Variants in GUCY1A2 observed in about 807,000 individuals in gnomAD.
GUCY1A2 encodes guanylate cyclase 1 soluble subunit alpha 2.
A neutral mutation model predicts 63.5 loss-of-function variants in GUCY1A2; 27 were observed. That is an observed-to-expected ratio of 0.43 (90% CI 0.31 to 0.59). The LOEUF (loss-of-function observed/expected upper bound fraction) is 0.59. Ranked by LOEUF, GUCY1A2 falls within the 20% of genes least tolerant of loss-of-function variation. GUCY1A2 has a pLI of 0.11. For synonymous variants in GUCY1A2, 364 were observed against 343.5 expected (o/e 1.06, Z -0.66); for missense variants, 768 against 913.3 (o/e 0.84, Z 2.05).
intron 5 of GUCY1A2, among the ~76,000 whole-genome samples, chr11:106,777,766 C>T (rs1322027633): frequency 2.6e-5 from 4 of 151,858 alleles, no homozygotes; most frequent in South Asian, 4.1e-4. Flanking sequence ...CACCATGGTA[C>T]GTGTATACCT....
intron 5 of GUCY1A2, among the ~76,000 whole-genome samples, chr11:106,778,759 T>C (rs1463213477): frequency 2.6e-5 from 4 of 152,204 alleles, no homozygotes; most frequent in Non-Finnish European, 4.4e-5. Context: ...ATATCTCATA[T>C]TTATTGAATA....
chr11:106,713,496 CTTTTTTTTTTTTTTTTTT>C (rs143909145), intron 6 of GUCY1A2, among the ~76,000 whole-genome samples: 2 of 78,354 alleles, frequency 2.6e-5, no homozygotes, highest in Non-Finnish European at 4.5e-5. Flanking sequence ...TAGTATGTTT[CTTTTTTTTTTTTTTTTTT>C]TTTTTTTTTT....
intron 4 of GUCY1A2, among the ~76,000 whole-genome samples, chr11:106,872,537 G>T (rs1859694079): frequency 6.6e-6 from 1 of 152,122 alleles, no homozygotes; most frequent in Non-Finnish European, 1.5e-5. Context: ...ATATCTGAGG[G>T]ATAGTCATAT....
At chr11:106,862,513 T>G (rs1859527748) in intron 4 of GUCY1A2, among the ~76,000 whole-genome samples, 1 of 151,888 alleles carries the variant, frequency 6.6e-6, no homozygotes. Context: ...AAAACCAGCC[T>G]TTTCTATTGT....
At chr11:106,746,581 A>C in intron 6 of GUCY1A2, 1 of 1,596,522 alleles carries the variant, frequency 6.3e-7, no homozygotes, top group Non-Finnish European at 8.5e-7. Flanking sequence ...TTTCACTTTG[A>C]TGCTGATCTG....
chr11:107,012,560 C>G (rs936811421), intron 1 of GUCY1A2, among the ~76,000 whole-genome samples: 2 of 152,142 alleles, frequency 1.3e-5, no homozygotes, highest in African/African-American at 4.8e-5. Context: ...TTCCCAGGGA[C>G]TCATACTTAG....
intron 3 of GUCY1A2, among the ~76,000 whole-genome samples, chr11:106,967,868 G>A (rs936910273): frequency 1.3e-5 from 2 of 152,108 alleles, no homozygotes; most frequent in African/African-American, 4.8e-5. Context: ...GTATCTGGAA[G>A]ACAAAAAGCA....
At chr11:106,967,958 A>G (rs1861147252) in intron 3 of GUCY1A2, among the ~76,000 whole-genome samples, 1 of 152,224 alleles carries the variant, frequency 6.6e-6, no homozygotes, top group Admixed American at 6.5e-5. Context: ...GGAATAAGTC[A>G]AAAGAATTGA....
chr11:106,768,275 C>G (rs1277430034), intron 6 of GUCY1A2, among the ~76,000 whole-genome samples: 2 of 152,066 alleles, frequency 1.3e-5, no homozygotes, highest in Non-Finnish European at 2.9e-5. Context: ...GGTATGCCCC[C>G]CTACCACCAC....
At chr11:106,751,043 A>T (rs1245498189) in intron 6 of GUCY1A2, among the ~76,000 whole-genome samples, 1 of 152,126 alleles carries the variant, frequency 6.6e-6, no homozygotes, top group East Asian at 1.9e-4. Flanking sequence ...ACTGCATATT[A>T]ATTCACACAT....
At chr11:106,933,511 T>C (rs1591333089) in intron 4 of GUCY1A2, among the ~76,000 whole-genome samples, 1 of 152,172 alleles carries the variant, frequency 6.6e-6, no homozygotes, top group African/African-American at 2.4e-5. Context: ...TATAAATTAG[T>C]TCAGCGTTTG....
At chr11:106,844,341 G>A (rs1859242086) in intron 4 of GUCY1A2, among the ~76,000 whole-genome samples, 1 of 151,712 alleles carries the variant, frequency 6.6e-6, no homozygotes, top group Non-Finnish European at 1.5e-5. Flanking sequence ...TTTTTATGTA[G>A]TATATGTATT....
intron 4 of GUCY1A2, among the ~76,000 whole-genome samples, chr11:106,878,219 G>A (rs1186635605): frequency 6.6e-6 from 1 of 152,078 alleles, no homozygotes; most frequent in African/African-American, 2.4e-5. Context: ...AAACAATGTG[G>A]CGATTCCTCA....
intron 2 of GUCY1A2, among the ~76,000 whole-genome samples, chr11:106,981,374 A>G (rs1164192719): frequency 6.6e-6 from 1 of 152,098 alleles, no homozygotes; most frequent in African/African-American, 2.4e-5. Flanking sequence ...TAATTGGAGC[A>G]ATACAATTTA....
chr11:106,846,247 G>A (rs1263213925), intron 4 of GUCY1A2, among the ~76,000 whole-genome samples: 1 of 151,556 alleles, frequency 6.6e-6, no homozygotes, highest in Non-Finnish European at 1.5e-5. Context: ...AGTTAATTTT[G>A]GGGGGTACTG....
chr11:106,871,554 T>A (rs1859678247), intron 4 of GUCY1A2, among the ~76,000 whole-genome samples: 1 of 152,158 alleles, frequency 6.6e-6, no homozygotes, highest in Non-Finnish European at 1.5e-5. Flanking sequence ...TCCCTGTGTA[T>A]CTGTCTTTGT....
intron 6 of GUCY1A2, among the ~76,000 whole-genome samples, chr11:106,715,954 T>G (rs1863205967): frequency 1.3e-5 from 2 of 152,196 alleles, no homozygotes; most frequent in African/African-American, 4.8e-5. Flanking sequence ...TGGGTGGGGC[T>G]GACCCACTCT....
chr11:106,690,663 A>G (rs1862607177), intron 7 of GUCY1A2, among the ~76,000 whole-genome samples: 1 of 152,202 alleles, frequency 6.6e-6, no homozygotes, highest in South Asian at 2.1e-4. Context: ...GTATGTATAT[A>G]CATTTGTATG....
At chr11:106,915,701 C>T (rs971145904) in intron 4 of GUCY1A2, among the ~76,000 whole-genome samples, 1 of 144,756 alleles carries the variant, frequency 6.9e-6, no homozygotes, top group Non-Finnish European at 1.6e-5. Flanking sequence ...GGTGCTTCTT[C>T]GTTCAACCCA....
Sources: allele counts gnomAD v4.1 joint callset (sites outside exome capture counted in the v4.1 genomes callset), GRCh38; gene constraint gnomAD v4.1.1; transcripts MANE v1.5; gene names NCBI Gene and HGNC (gene_info 2026-07-23, HGNC 2026-07-21).